Variants in MCL1 observed in about 807,000 individuals in gnomAD.
MCL1 encodes MCL1 apoptosis regulator, BCL2 family member, also known as induced myeloid leukemia cell differentiation protein Mcl-1.
MCL1 carries 4 observed loss-of-function variants against 24.2 expected under a neutral mutation model. The observed-to-expected ratio is 0.17, with a 90% CI of 0.08 to 0.38. The LOEUF (loss-of-function observed/expected upper bound fraction) is 0.38. MCL1 is among the 10% of genes least tolerant of loss of function. MCL1 has a pLI of 1.00. For missense variants in MCL1, 529 were observed against 480.3 expected, an observed-to-expected ratio of 1.10 and a Z score of -0.95; for synonymous variants, 248 against 214.0, an observed-to-expected ratio of 1.16 and a Z score of -1.39.
Position 150,579,072 on chromosome 1 carries a change from GTTAT to G in MCL1, c.455_458del (p.Asn152ThrfsTer91). 2 of 1,613,230 alleles carry G rather than the reference GTTAT, an allele frequency of 1.2e-6. No individual in the cohort carries two copies. Among genetic ancestry groups the G allele is most frequent in the Non-Finnish European group, 1.7e-6 (2 of 1,180,030 alleles). ...AGGGTAGTGACCCGTCCGTACTGGT[GTTAT>G]TACCAGATTCCCCGACCAACTCCAG... On this transcript the variant is annotated frameshift_variant, in exon 1 of 3. Coordinates refer to ENST00000369026, the MANE Select transcript of MCL1 (RefSeq NM_021960.5). LOFTEE classifies it high-confidence loss of function.
chr1:150,578,746 C>A (rs765755369), intron 1 of MCL1, 97 bp downstream of exon 1: 2 of 1,325,368 alleles, frequency 1.5e-6, no homozygotes, highest in South Asian at 2.7e-5. Flanking sequence ...CGTTTCAACA[C>A]TGACTCGTTT....
At position 150,577,098 on chromosome 1, in the gene MCL1, C is replaced by G. The variant is rs1647840140; in HGVS notation, c.*277G>C. The G allele has an allele frequency of 2.9e-6, 1 of 344,364 alleles. No individual in the cohort carries two copies. Among genetic ancestry groups the G allele is most frequent in the African/African-American group, 2.1e-5 (1 of 48,250 alleles). The allele number at this position is 344,364 out of a possible 1,614,324, so 21.3% of individuals were successfully genotyped here. A position where few individuals can be genotyped will look rare whatever the true frequency, so the allele number is the denominator to read the frequency against. ...TTAAGTCTTTCCACCCTACCATCTT[C>G]ACTAAATCTAAAAGTCCTCCTCCAT... On this transcript the variant is annotated 3_prime_UTR_variant, in exon 3 of 3. Transcript: ENST00000369026.
At position 150,578,981 on chromosome 1, in the gene MCL1, G is replaced by A. The variant is rs1647947785; in HGVS notation, c.550C>T (p.Arg184Trp). The A allele has an allele frequency of 1.2e-6, 2 of 1,613,618 alleles. No homozygotes were observed. The highest frequency in any genetic ancestry group is 2.2e-5 in the East Asian group (1 of 44,876). ...LYRQSLEIIS[R>W]YLREQATGAK... Reference sequence around the variant, plus strand: ...CCGGTGGCCTGCTCCCGAAGGTACCGAGAGATAATCTCCAGCGACTGCCGG... The same window carrying A: ...CCGGTGGCCTGCTCCCGAAGGTACCAAGAGATAATCTCCAGCGACTGCCGG... The change falls in exon 1 of 3, where the codon CGG becomes TGG. Residue 184 changes from arginine to tryptophan, a missense_variant. By Grantham distance (101) the Arg-to-Trp change is moderately radical. Coordinates refer to ENST00000369026, the MANE Select transcript of MCL1 (RefSeq NM_021960.5).
At position 150,575,436 on chromosome 1, in the gene MCL1, G is replaced by C. The variant is rs1419741255; in HGVS notation, c.*1939C>G. ...CTTTTAAACTCTGAGGTTTAACACA[G>C]CTCACCTCTTTCTGTAAATTTAAGT... On this transcript the variant is annotated 3_prime_UTR_variant, in exon 3 of 3. Transcript: ENST00000369026. 4.3e-6 allele frequency: 1 copy of C among 232,792 alleles called. No homozygotes were observed. Among genetic ancestry groups the C allele is most frequent in the Non-Finnish European group, 8.5e-6 (1 of 117,728 alleles). The allele number at this position is 232,792 out of a possible 1,614,324, so 14.4% of individuals were successfully genotyped here. A position where few individuals can be genotyped will look rare whatever the true frequency, so the allele number is the denominator to read the frequency against.
At position 150,578,945 on chromosome 1, in the gene MCL1, T is replaced by C. The variant is rs76955524; in HGVS notation, c.586A>G (p.Thr196Ala). The C allele has an allele frequency of 1.9e-6, 3 of 1,613,770 alleles. No individual in the cohort carries two copies. Among genetic ancestry groups the C allele is most frequent in the East Asian group, 2.2e-5 (1 of 44,882 alleles). The change falls in exon 1 of 3, where the codon ACA (threonine) becomes GCA (alanine). Residue 196 changes from threonine (T) to alanine (A), a missense_variant. By Grantham distance (58) the Thr-to-Ala change is moderately conservative. Coordinates refer to ENST00000369026, the MANE Select transcript of MCL1 (RefSeq NM_021960.5). The part of the protein sequence containing the change: ...LREQATGAKD[T>A]KPMGRSGATS... ...GCCCCAGACCTGCCCATTGGCTTTGTGTCCTTGGCGCCGGTGGCCTGCTCC... is the reference window on the plus strand; with the variant it reads ...GCCCCAGACCTGCCCATTGGCTTTGCGTCCTTGGCGCCGGTGGCCTGCTCC...
In MCL1 at chr1:150,577,500, C is replaced by T; in HGVS notation, c.937-9G>A. ...AACTCCACAAACCCATCCTAGAAAA[C>T]AAAAAAGAAAAGCACATTTTCAAGT... On this transcript the variant is annotated splice_polypyrimidine_tract_variant and intron_variant, in intron 2 of 2. Coordinates refer to ENST00000369026, the MANE Select transcript of MCL1 (RefSeq NM_021960.5). 3 of 1,592,736 alleles carry T rather than the reference C, an allele frequency of 1.9e-6. No individual in the cohort carries two copies. Among genetic ancestry groups the T allele is most frequent in the Non-Finnish European group, 1.7e-6 (2 of 1,173,838 alleles).
Position 150,575,228 on chromosome 1 carries a change from T to C in MCL1, c.*2147A>G. 1 of 233,360 alleles carries C rather than the reference T, an allele frequency of 4.3e-6. No individual in the cohort carries two copies. The highest frequency in any genetic ancestry group is 8.5e-6 in the Non-Finnish European group (1 of 117,854). 14.5% of individuals were successfully genotyped at this position (233,360 alleles called of 1,614,324 possible). A position where few individuals can be genotyped will look rare whatever the true frequency, so the allele number is the denominator to read the frequency against. On this transcript the variant is annotated 3_prime_UTR_variant, in exon 3 of 3. Transcript: ENST00000369026. The stretch of plus-strand genomic sequence containing the variant: ...ATAAATACATAGGTAAAAATAGCTC[T>C]AGCAAAGATGACCTTATGGCTCTGA...
chr1:150,576,297 A>C lies in MCL1; in HGVS notation c.*1078T>G, dbSNP rs1399788560. 2 of 233,014 alleles carry C rather than the reference A, an allele frequency of 8.6e-6. No individual in the cohort carries two copies. Among genetic ancestry groups the C allele is most frequent in the African/African-American group, 4.4e-5 (2 of 45,334 alleles). The allele number at this position is 233,014 out of a possible 1,614,324, so 14.4% of individuals were successfully genotyped here. A position where few individuals can be genotyped will look rare whatever the true frequency, so the allele number is the denominator to read the frequency against. On this transcript the variant is annotated 3_prime_UTR_variant, in exon 3 of 3. Transcript: ENST00000369026. The stretch of plus-strand genomic sequence containing the variant: ...TGCCCAATCAGAGCCCATTATTTGT[A>C]AGTCATCAGTAACCTTAAAACTCCA...
At chr1:150,578,218 C>T (rs1336153594) in intron 2 of MCL1, 26 bp downstream of exon 2, 2 of 1,602,060 alleles carry the variant, frequency 1.2e-6, no homozygotes, top group Admixed American at 1.8e-5. Flanking sequence ...ACTCCAAGGC[C>T]CCTTTCATCC....
Position 150,579,546 on chromosome 1 carries a change from C to G in MCL1, c.-16G>C. 6.3e-7 allele frequency: 1 copy of G among 1,590,306 alleles called. No homozygotes were observed. Among genetic ancestry groups the G allele is most frequent in the Non-Finnish European group, 8.5e-7 (1 of 1,170,032 alleles). On this transcript the variant is annotated 5_prime_UTR_variant, in exon 1 of 3. Transcript: ENST00000369026. ...GGCCAAACATTGCCAGTCGCCGCCGCCGCCTGGCTGAGAAAACTGGGGAAG... is the reference window on the plus strand; with the variant it reads ...GGCCAAACATTGCCAGTCGCCGCCGGCGCCTGGCTGAGAAAACTGGGGAAG...
Position 150,579,121 on chromosome 1 carries a change from C to T in MCL1, c.410G>A (p.Arg137Gln), listed in dbSNP as rs1330727574. The T allele has an allele frequency of 2.5e-6, 4 of 1,612,824 alleles. No homozygotes were observed. Among genetic ancestry groups the T allele is most frequent in the Non-Finnish European group, 3.4e-6 (4 of 1,180,016 alleles). The change falls in exon 1 of 3, where the codon CGG (arginine) becomes CAG (glutamine). Residue 137 changes from arginine to glutamine, a missense_variant. By Grantham distance (43) the Arg-to-Gln change is conservative. Coordinates refer to ENST00000369026, the MANE Select transcript of MCL1 (RefSeq NM_021960.5). The stretch of plus-strand genomic sequence containing the variant: ...CTCCAGCAGCGGCAGGACAGCCGGC[C>T]GCTTCCCGAGAGGCTCCGGCTCGTA... ...DGYEPEPLGK[R>Q]PAVLPLLELV...
At chr1:150,577,873 G>C (rs1647880441) in intron 2 of MCL1, among the ~76,000 whole-genome samples, 2 of 152,108 alleles carry the variant, frequency 1.3e-5, no homozygotes, top group South Asian at 4.1e-4. Context: ...CATCAGATCT[G>C]GGTTTGTTTA....
Position 150,579,234 on chromosome 1 carries a change from G to C in MCL1, c.297C>G (p.Phe99Leu). The change falls in exon 1 of 3, where the codon TTC becomes TTG. Residue 99 changes from phenylalanine to leucine, a missense_variant. Physicochemically the swap from Phe to Leu is conservative, Grantham distance 22. Transcript: ENST00000369026. Reference protein sequence around the residue: ...VTATPARLLFFAPTRRAAPLE... With the variant: ...VTATPARLLFLAPTRRAAPLE... Reference sequence around the variant, plus strand: ...GCGGCGCCGCGCGGCGGGTGGGCGCGAAGAAAAGCAGCCTCGCGGGGGTCG... The same window carrying C: ...GCGGCGCCGCGCGGCGGGTGGGCGCCAAGAAAAGCAGCCTCGCGGGGGTCG... 2 of 1,554,592 alleles carry C rather than the reference G, an allele frequency of 1.3e-6. No individual in the cohort carries two copies. The highest frequency in any genetic ancestry group is 1.4e-5 in the African/African-American group (1 of 73,012).
intron 1 of MCL1, 167 bp downstream of exon 1, chr1:150,578,676 G>A: frequency 9.8e-7 from 1 of 1,020,772 alleles, no homozygotes; most frequent in Non-Finnish European, 1.4e-6. Flanking sequence ...AAAGAATCAA[G>A]ATGGGCGGAA....
rs1357921316 is a variant in MCL1, at chr1:150,575,170, A to G, written c.*2205T>C. 1.7e-5 allele frequency: 4 copies of G among 233,208 alleles called. No individual in the cohort carries two copies. Among genetic ancestry groups the G allele is most frequent in the Admixed American group, 5.6e-5 (1 of 17,772 alleles). 14.4% of individuals were successfully genotyped at this position (233,208 alleles called of 1,614,324 possible). On this transcript the variant is annotated 3_prime_UTR_variant, in exon 3 of 3. Coordinates refer to ENST00000369026, the MANE Select transcript of MCL1 (RefSeq NM_021960.5). Reference sequence around the variant, plus strand: ...AGTGCTTTTAGGTCCTTAGAGATACATGATATAAATAAGCGGCTTATGATC... The same window carrying G: ...AGTGCTTTTAGGTCCTTAGAGATACGTGATATAAATAAGCGGCTTATGATC...
Position 150,577,127 on chromosome 1 carries a change from T to C in MCL1, c.*248A>G, listed in dbSNP as rs1647841398. On this transcript the variant is annotated 3_prime_UTR_variant, in exon 3 of 3. Transcript: ENST00000369026. ...AAATCTAAAAGTCCTCCTCCATAGC[T>C]TCCCAAACAAAGTTTGTTTGTTGCT... 2.3e-6 allele frequency: 1 copy of C among 428,288 alleles called. No homozygotes were observed. The highest frequency in any genetic ancestry group is 2.0e-5 in the African/African-American group (1 of 50,258). The allele number at this position is 428,288 out of a possible 1,614,324, so 26.5% of individuals were successfully genotyped here. A position where few individuals can be genotyped will look rare whatever the true frequency, so the allele number is the denominator to read the frequency against.
Position 150,579,216 on chromosome 1 carries a change from C to G in MCL1, c.315G>C (p.Ala105=), listed in dbSNP as rs1647967572. The part of the protein sequence containing the change: ...RLLFFAPTRR[A]APLEEMEAPA... The stretch of plus-strand genomic sequence containing the variant: ...GGGCTTCCATCTCCTCAAGCGGCGC[C>G]GCGCGGCGGGTGGGCGCGAAGAAAA... The change falls in exon 1 of 3, where the codon GCG becomes GCC. Residue 105 remains alanine (A), a synonymous_variant. Transcript: ENST00000369026. 1.3e-6 allele frequency: 2 copies of G among 1,575,038 alleles called. No homozygotes were observed. The highest frequency in any genetic ancestry group is 1.7e-6 in the Non-Finnish European group (2 of 1,164,192).
Position 150,579,554 on chromosome 1 carries a change from C to G in MCL1, c.-24G>C. On this transcript the variant is annotated 5_prime_UTR_variant, in exon 1 of 3. Transcript: ENST00000369026. ...ATTGCCAGTCGCCGCCGCCGCCTGGCTGAGAAAACTGGGGAAGACCCCGAC... is the reference window on the plus strand; with the variant it reads ...ATTGCCAGTCGCCGCCGCCGCCTGGGTGAGAAAACTGGGGAAGACCCCGAC... 6.3e-7 allele frequency: 1 copy of G among 1,583,638 alleles called. No individual in the cohort carries two copies. Among genetic ancestry groups the G allele is most frequent in the Non-Finnish European group, 8.6e-7 (1 of 1,166,726 alleles).
chr1:150,579,108 C>G lies in MCL1; in HGVS notation c.423G>C (p.Leu141=), dbSNP rs2101698883. The G allele has an allele frequency of 6.2e-7, 1 of 1,613,014 alleles. No individual in the cohort carries two copies. The highest frequency in any genetic ancestry group is 2.2e-5 in the East Asian group (1 of 44,886). The part of the protein sequence containing the change: ...PEPLGKRPAV[L]PLLELVGESG... ...ATTCCCCGACCAACTCCAGCAGCGG[C>G]AGGACAGCCGGCCGCTTCCCGAGAG... is the stretch of plus-strand genomic sequence containing the variant. Residue 141 remains leucine, a synonymous_variant, in exon 1 of 3, where the codon CTG becomes CTC. Coordinates refer to ENST00000369026, the MANE Select transcript of MCL1 (RefSeq NM_021960.5).
Sources: allele counts gnomAD v4.1 joint callset (sites outside exome capture counted in the v4.1 genomes callset), GRCh38; gene constraint gnomAD v4.1.1; transcripts MANE v1.5; gene names NCBI Gene and HGNC (gene_info 2026-07-23, HGNC 2026-07-21).